The following STK39 variants were observed in gnomAD, a reference collection of about 807,000 sequenced individuals.
The protein encoded by STK39 is STE20/SPS1-related proline-alanine-rich protein kinase.
In STK39, 20 loss-of-function variants were observed where a neutral mutation model predicts 77.8. The ratio of observed to expected loss-of-function variants is 0.26; its 90% confidence interval spans 0.18 to 0.37. The LOEUF (loss-of-function observed/expected upper bound fraction) is 0.37. Among genes scored for constraint, STK39 ranks in the 10% least tolerant of loss-of-function variants. STK39 has a pLI of 1.00. For missense variants in STK39, 479 were observed against 656.5 expected (o/e 0.73, Z 2.95); for synonymous variants, 246 against 234.1 (o/e 1.05, Z -0.47).
intron 1 of STK39, among the ~76,000 whole-genome samples, chr2:168,220,077 T>G (rs937578921): frequency 6.6e-6 from 1 of 152,158 alleles, no homozygotes; most frequent in Non-Finnish European, 1.5e-5. Flanking sequence ...CAAATTTTAA[T>G]GTGAATAATA....
At chr2:168,233,333 C>A (rs1415986983) in intron 1 of STK39, among the ~76,000 whole-genome samples, 1 of 152,174 alleles carries the variant, frequency 6.6e-6, no homozygotes, top group African/African-American at 2.4e-5. Context: ...CATAGTAAAA[C>A]ATTCTCTGTT....
Position 168,210,659 on chromosome 2 carries a change from A to G in STK39, c.209-28569T>C, listed in dbSNP as rs190916814. ...CTCAGCCTCCCTAGGAACTGGGACCACAGGCACCTGCCACCACACCCGGCT... is the reference window on the plus strand; with the variant it reads ...CTCAGCCTCCCTAGGAACTGGGACCGCAGGCACCTGCCACCACACCCGGCT... On this transcript the variant is annotated intron_variant, in intron 1 of 17. Coordinates refer to ENST00000355999, the MANE Select transcript of STK39 (RefSeq NM_013233.3). Among the ~76,000 whole-genome samples the G allele has an allele frequency of 6.8e-3, 1,037 of 152,312 alleles. 6 individuals carry two copies. Among genetic ancestry groups the G allele is most frequent in the Middle Eastern group, 0.014 (4 of 294 alleles).
intron 3 of STK39, among the ~76,000 whole-genome samples, chr2:168,165,544 ACTG>A (rs963760736): frequency 1.3e-5 from 2 of 152,018 alleles, no homozygotes; most frequent in Admixed American, 1.3e-4. Context: ...AGCACTCAAT[ACTG>A]CAGTCCAGCT....
At position 168,247,230 on chromosome 2, in the gene STK39, A is replaced by T; in HGVS notation, c.206T>A (p.Ile69Asn). ...CCCGCCGCGCCCGCCGCACTGACCGATAACCTCCTGCAGCTCGTACGCGTC... is the reference window on the plus strand; with the variant it reads ...CCCGCCGCGCCCGCCGCACTGACCGTTAACCTCCTGCAGCTCGTACGCGTC... ...CRDAYELQEV[I>N]GSGATAVVQA... Residue 69 changes from isoleucine (I) to asparagine (N), a missense_variant and splice_region_variant, in exon 1 of 18, where the codon ATC becomes AAC. Around this residue, in one of 3 missense-constraint regions of STK39, gnomAD observed 139 missense variants for 280.6 expected, o/e 0.50. Coordinates refer to ENST00000355999, the MANE Select transcript of STK39 (RefSeq NM_013233.3). 1 of 1,196,376 alleles carries T rather than the reference A, an allele frequency of 8.4e-7. No homozygotes were observed. Among genetic ancestry groups the T allele is most frequent in the Admixed American group, 4.1e-5 (1 of 24,458 alleles). The allele number at this position is 1,196,376 out of a possible 1,614,324, so 74.1% of individuals were successfully genotyped here.
At chr2:167,968,525 T>C (rs1395832264) in intron 16 of STK39, among the ~76,000 whole-genome samples, 1 of 152,214 alleles carries the variant, frequency 6.6e-6, no homozygotes, top group Non-Finnish European at 1.5e-5. Context: ...TTCTAGCTGT[T>C]TCCAAACACA....
chr2:168,057,880 C>T (rs1685567247), intron 14 of STK39, among the ~76,000 whole-genome samples: 1 of 152,170 alleles, frequency 6.6e-6, no homozygotes, highest in Non-Finnish European at 1.5e-5. Context: ...GATGACCTCT[C>T]CTTTCTCCTA....
chr2:168,010,080 T>C (rs1684233025), intron 16 of STK39, among the ~76,000 whole-genome samples: 3 of 152,242 alleles, frequency 2.0e-5, no homozygotes, highest in Admixed American at 2.0e-4. Flanking sequence ...TCTTATTTTC[T>C]GTGTTCCTAG....
At chr2:168,146,380 A>G (rs1170994828) in intron 5 of STK39, among the ~76,000 whole-genome samples, 2 of 152,224 alleles carry the variant, frequency 1.3e-5, no homozygotes, top group Admixed American at 1.3e-4. Context: ...TGAGTTGTGC[A>G]TGAACAACAT....
intron 14 of STK39, among the ~76,000 whole-genome samples, chr2:168,018,850 C>T (rs2105323064): frequency 6.6e-6 from 1 of 152,242 alleles, no homozygotes. Flanking sequence ...CCACATCCAA[C>T]CACACTAAGA....
chr2:168,039,586 G>A lies in STK39; in HGVS notation c.1377-22491C>T, dbSNP rs1466997563. 2.9e-5 allele frequency among the ~76,000 whole-genome samples: 4 copies of A among 139,416 alleles called. 1 individual carries two copies. The East Asian group carries it at 8.6e-4, about 30-fold the overall frequency. The allele number at this position is 139,416 out of a possible 152,430, so 91.5% of individuals were successfully genotyped here. On this transcript the variant is annotated intron_variant, in intron 14 of 17. Transcript: ENST00000355999. ...CGCAGTCCGACCTGGGCGACAGAGC[G>A]AGACTCCGTCTCCAAAAAAAAAAAA...
intron 5 of STK39, among the ~76,000 whole-genome samples, chr2:168,150,106 GAAGAA>G (rs1324085902): frequency 6.6e-6 from 1 of 152,164 alleles, no homozygotes; most frequent in Non-Finnish European, 1.5e-5. Flanking sequence ...AACGCACATC[GAAGAA>G]GAGAAGCACT....
chr2:168,175,505 T>C (rs895662702), intron 2 of STK39, among the ~76,000 whole-genome samples: 10 of 152,234 alleles, frequency 6.6e-5, no homozygotes, highest in African/African-American at 2.4e-4. Context: ...ATTCAATTAG[T>C]ATATTTAATT....
chr2:168,087,495 C>G (rs541610396), intron 10 of STK39, among the ~76,000 whole-genome samples: 1 of 152,186 alleles, frequency 6.6e-6, no homozygotes, highest in Admixed American at 6.5e-5. Context: ...TGATTCAATA[C>G]GTGGAAAAGC....
intron 1 of STK39, among the ~76,000 whole-genome samples, chr2:168,220,227 C>T (rs887269146): frequency 1.1e-4 from 16 of 152,094 alleles, no homozygotes; most frequent in African/African-American, 3.6e-4. Context: ...GGAAACTAAA[C>T]AACTCAATTC....
chr2:168,080,415 G>A (rs1686197470), intron 10 of STK39, among the ~76,000 whole-genome samples: 1 of 152,110 alleles, frequency 6.6e-6, no homozygotes. Context: ...AGATCACAAG[G>A]TCAGGAGACT....
chr2:167,956,338 C>T (rs972102964), intron 17 of STK39, among the ~76,000 whole-genome samples: 2 of 152,160 alleles, frequency 1.3e-5, no homozygotes, highest in Non-Finnish European at 2.9e-5. Context: ...GCAGGTGGAT[C>T]ATGAGGTCAG....
chr2:168,229,637 C>A (rs1690400929), intron 1 of STK39, among the ~76,000 whole-genome samples: 1 of 152,064 alleles, frequency 6.6e-6, no homozygotes, highest in South Asian at 2.1e-4. Flanking sequence ...CTTAATTAAG[C>A]AAAAATCTAC....
At chr2:168,198,884 T>C (rs371094824) in intron 1 of STK39, among the ~76,000 whole-genome samples, 6 of 152,260 alleles carry the variant, frequency 3.9e-5, no homozygotes, top group African/African-American at 1.2e-4. Context: ...ATCTATAACA[T>C]ACAGATAAAT....
At chr2:168,227,699 G>A (rs1690342792) in intron 1 of STK39, among the ~76,000 whole-genome samples, 1 of 151,920 alleles carries the variant, frequency 6.6e-6, no homozygotes, top group Non-Finnish European at 1.5e-5. Context: ...TTTTGAGACG[G>A]AGTCTCACAG....
Sources: gnomAD v4.1 joint callset for allele counts (sites outside exome capture counted in the v4.1 genomes callset) on GRCh38, gnomAD v4.1.1 for gene constraint, gnomAD v4.1.1 regional missense constraint, MANE v1.5 for transcripts, NCBI Gene and HGNC (gene_info 2026-07-23, HGNC 2026-07-21) for gene names.